NOTCH2: variants seen among roughly 807,000 people sequenced by gnomAD.
NOTCH2 encodes the protein notch receptor 2.
A neutral mutation model predicts 235.8 loss-of-function variants in NOTCH2; 29 were observed. The ratio of observed to expected loss-of-function variants is 0.12; its 90% CI spans 0.09 to 0.17. The LOEUF is 0.17. Ranked by LOEUF, NOTCH2 falls within the 10% of genes least tolerant of loss-of-function variation. The pLI, the probability that NOTCH2 is intolerant of heterozygous loss-of-function variation, is 1.00. For missense variants in NOTCH2, 2,285 were observed against 3,150.2 expected, an observed-to-expected ratio of 0.73 and a Z score of 6.57; for synonymous variants, 1,086 against 1,141.5, an observed-to-expected ratio of 0.95 and a Z score of 0.98.
At chr1:119,970,281 T>G (rs1405404463) in intron 5 of NOTCH2, among the ~76,000 whole-genome samples, 1 of 152,168 alleles carries the variant, frequency 6.6e-6, no homozygotes, top group Admixed American at 6.5e-5. Context: ...TTCTTATAAC[T>G]GCACAAAACT....
Position 119,946,778 on chromosome 1 carries a change from A to G in NOTCH2, c.2752+1636T>C, listed in dbSNP as rs1650270195. On this transcript the variant is annotated intron_variant, in intron 17 of 33. Coordinates refer to ENST00000256646, the MANE Select transcript of NOTCH2 (RefSeq NM_024408.4). Reference sequence around the variant, plus strand: ...TCAAAAACAAGGTAAGGCTTCTCTCACCACTTCTATTCTGTATTTATTGAA... The same window carrying G: ...TCAAAAACAAGGTAAGGCTTCTCTCGCCACTTCTATTCTGTATTTATTGAA... Among the ~76,000 whole-genome samples, 4 of 152,088 alleles carry G rather than the reference A, an allele frequency of 2.6e-5. No individual in the cohort carries two copies. In the South Asian group the frequency reaches 8.3e-4, roughly 32 times the overall value.
Position 120,005,431 on chromosome 1 carries a change from T to C in NOTCH2, c.313A>G (p.Thr105Ala), listed in dbSNP as rs781888750. 8 of 1,614,028 alleles carry C rather than the reference T, an allele frequency of 5.0e-6. No homozygotes were observed. The highest frequency in any genetic ancestry group is 1.7e-5 in the Admixed American group (1 of 60,020). ...CGAGACACAAAGCATGGATGAGATG[T>C]TGAGTACTGGCAGTCCTCTCCTGTA... ...GFTGEDCQYS[T>A]SHPCFVSRPC... The change falls in exon 3 of 34, where the codon ACA (threonine) becomes GCA (alanine). Residue 105 changes from threonine to alanine, a missense_variant. Thr to Ala is a moderately conservative substitution (Grantham distance 58). Around this residue, in one of 6 missense-constraint regions of NOTCH2, gnomAD observed 431 missense variants for 757.8 expected, o/e 0.57. Coordinates refer to ENST00000256646, the MANE Select transcript of NOTCH2 (RefSeq NM_024408.4).
chr1:119,940,117 T>C (rs782659074), intron 19 of NOTCH2, among the ~76,000 whole-genome samples: 37 of 152,230 alleles, frequency 2.4e-4, no homozygotes, highest in Non-Finnish European at 4.4e-4. Context: ...TTAAAAGATA[T>C]GTAAATTGTT....
At position 119,940,551 on chromosome 1, in the gene NOTCH2, T is replaced by C. The variant is rs782244315; in HGVS notation, c.3183+4A>G. On this transcript the variant is annotated splice_donor_region_variant and intron_variant, in intron 19 of 33. Coordinates refer to ENST00000256646, the MANE Select transcript of NOTCH2 (RefSeq NM_024408.4). Reference sequence around the variant, plus strand: ...GCTGAGTGAATGGGAAGGAAGTCAATTACCTGACAGTTTTTCCCAGTGTAG... The same window carrying C: ...GCTGAGTGAATGGGAAGGAAGTCAACTACCTGACAGTTTTTCCCAGTGTAG... The C allele has an allele frequency of 1.6e-5, 25 of 1,612,862 alleles. No individual in the cohort carries two copies. The South Asian group carries it at 2.7e-4, about 18-fold the overall frequency.
intron 1 of NOTCH2, among the ~76,000 whole-genome samples, chr1:120,038,175 A>G (rs1187495630): frequency 1.3e-5 from 2 of 152,210 alleles, no homozygotes; most frequent in African/African-American, 2.4e-5. Flanking sequence ...TTAAATTTCA[A>G]TACCTGGATC....
At chr1:120,016,188 C>CT (rs1293433209) in intron 2 of NOTCH2, among the ~76,000 whole-genome samples, 10 of 112,066 alleles carry the variant, frequency 8.9e-5, no homozygotes, top group Non-Finnish European at 1.3e-4. Flanking sequence ...CACATACACA[C>CT]TTTTATCACA....
intron 1 of NOTCH2, among the ~76,000 whole-genome samples, chr1:120,046,049 C>T (rs587649689): frequency 6.1e-4 from 93 of 151,308 alleles, no homozygotes; most frequent in Non-Finnish European, 1.2e-3. Flanking sequence ...CTTGAGGAAG[C>T]GTTCATGCTT....
chr1:119,919,507 C>T lies in NOTCH2; in HGVS notation c.5586G>A (p.Leu1862=). ...EDSSANIITD[L]VYQGASLQAQ... Reference sequence around the variant, plus strand: ...CCTGGAGGCTGGCACCCTGGTAGACCAAGTCTGTGATGATGTTAGCAGAAG... The same window carrying T: ...CCTGGAGGCTGGCACCCTGGTAGACTAAGTCTGTGATGATGTTAGCAGAAG... Residue 1862 remains leucine, a synonymous_variant, in exon 31 of 34, where the codon TTG becomes TTA. Coordinates refer to ENST00000256646, the MANE Select transcript of NOTCH2 (RefSeq NM_024408.4). The T allele has an allele frequency of 1.2e-6, 2 of 1,613,918 alleles. No individual in the cohort carries two copies. The highest frequency in any genetic ancestry group is 1.7e-6 in the Non-Finnish European group (2 of 1,180,036).
intron 22 of NOTCH2, among the ~76,000 whole-genome samples, chr1:119,931,314 T>TA (rs781882322): frequency 4.6e-5 from 7 of 152,088 alleles, no homozygotes; most frequent in Non-Finnish European, 8.8e-5. Context: ...ACAACTTTAA[T>TA]ACTGTCCTAA....
chr1:119,947,093 CA>C (rs1650285852), intron 17 of NOTCH2, among the ~76,000 whole-genome samples: 1 of 151,966 alleles, frequency 6.6e-6, no homozygotes, highest in African/African-American at 2.4e-5. Flanking sequence ...TAGAAGAAAC[CA>C]CAGTAGATAA....
intron 3 of NOTCH2, among the ~76,000 whole-genome samples, chr1:120,000,123 C>G (rs1652689875): frequency 6.6e-6 from 1 of 152,028 alleles, no homozygotes; most frequent in Non-Finnish European, 1.5e-5. Context: ...TTCTTCATCT[C>G]TGAGTGGAGA....
At chr1:119,975,101 A>C (rs1291623419) in intron 5 of NOTCH2, among the ~76,000 whole-genome samples, 1 of 152,218 alleles carries the variant, frequency 6.6e-6, no homozygotes. Flanking sequence ...AGTGCTGATA[A>C]AGACTTTGGG....
intron 12 of NOTCH2, among the ~76,000 whole-genome samples, chr1:119,959,111 A>G (rs930864819): frequency 1.3e-5 from 2 of 152,180 alleles, no homozygotes; most frequent in Non-Finnish European, 2.9e-5. Context: ...TTTGGAAGCA[A>G]TGTAACTCAA....
In NOTCH2 at chr1:119,912,519, C is replaced by A. The variant is rs1159815711; in HGVS notation, c.*2787G>T. 4.3e-6 allele frequency: 1 copy of A among 233,072 alleles called. No homozygotes were observed. The highest frequency in any genetic ancestry group is 2.2e-5 in the African/African-American group (1 of 45,320). The allele number at this position is 233,072 out of a possible 1,614,324, so 14.4% of individuals were successfully genotyped here. The stretch of plus-strand genomic sequence containing the variant: ...ATTCTCAGACTCTCTTTCCCTCATA[C>A]CTTTCCCTTCCCCACCTCACATAAG... On this transcript the variant is annotated 3_prime_UTR_variant, in exon 34 of 34. Coordinates refer to ENST00000256646, the MANE Select transcript of NOTCH2 (RefSeq NM_024408.4).
rs1298718945 is a variant in NOTCH2 at position 120,010,685 on chromosome 1, T to TAC, written c.156-5099_156-5098dup. Among the ~76,000 whole-genome samples the TAC allele has an allele frequency of 3.3e-5, 5 of 152,332 alleles. No homozygotes were observed. The East Asian group carries it at 9.6e-4, about 29-fold the overall frequency. On this transcript the variant is annotated intron_variant, in intron 2 of 33. Coordinates refer to ENST00000256646, the MANE Select transcript of NOTCH2 (RefSeq NM_024408.4). ...TTGTTAAGTGAAATTACTGGCTGAC[T>TAC]ACTTCAACAAAAGAACAGTCTTCAA...
chr1:119,943,240 C>T (rs1553196677), intron 17 of NOTCH2, among the ~76,000 whole-genome samples: 1 of 152,116 alleles, frequency 6.6e-6, no homozygotes, highest in Non-Finnish European at 1.5e-5. Flanking sequence ...ATTAAGGTGC[C>T]ATTATTAATG....
rs869302210 is a variant in NOTCH2, at chr1:119,926,415, TA to T, written c.4005+83del. ...GAAATCTTCCCATTTCGAAGATTGGTAAAACCAGGTTTAATCTCAGTTCTGT... is the reference window on the plus strand; with the variant it reads ...GAAATCTTCCCATTTCGAAGATTGGTAAACCAGGTTTAATCTCAGTTCTGT... On this transcript the variant is annotated intron_variant, in intron 24 of 33. Transcript: ENST00000256646. 1.0e-4 allele frequency: 109 copies of T among 1,081,784 alleles called. 1 individual carries two copies. In the South Asian group the frequency reaches 1.4e-3, roughly 14 times the overall value. The allele number at this position is 1,081,784 out of a possible 1,614,324, so 67.0% of individuals were successfully genotyped here.
At chr1:119,952,864 A>T (rs1553197947) in intron 14 of NOTCH2, among the ~76,000 whole-genome samples, 1 of 152,230 alleles carries the variant, frequency 6.6e-6, no homozygotes, top group Non-Finnish European at 1.5e-5. Flanking sequence ...CTTCCTTGAT[A>T]TTACTACTAT....
intron 29 of NOTCH2, among the ~76,000 whole-genome samples, chr1:119,921,162 C>A (rs886315101): frequency 5.9e-5 from 9 of 152,182 alleles, no homozygotes; most frequent in African/African-American, 2.2e-4. Flanking sequence ...TCCACCAGCT[C>A]CCAGCCATGC....
Sources: gnomAD v4.1 joint callset for allele counts (sites outside exome capture counted in the v4.1 genomes callset) on GRCh38, gnomAD v4.1.1 for gene constraint, gnomAD v4.1.1 regional missense constraint, MANE v1.5 for transcripts, NCBI Gene and HGNC (gene_info 2026-07-23, HGNC 2026-07-21) for gene names.